Variants in AOAH observed in about 807,000 individuals in gnomAD.
AOAH encodes acyloxyacyl hydrolase (neutrophil).
AOAH carries 64 observed loss-of-function variants against 92.2 expected under a neutral mutation model. That is an observed-to-expected ratio of 0.69 (90% CI 0.57 to 0.86). The LOEUF is 0.86. Ranked by LOEUF, AOAH falls within the 40% of genes least tolerant of loss-of-function variation. The probability of loss-of-function intolerance (pLI) is 0.00; values close to 1 mark genes in which losing one functional copy is unlikely to be tolerated. For missense variants in AOAH, 656 were observed against 694.6 expected (o/e 0.94, Z 0.62); for synonymous variants, 263 against 254.5 (o/e 1.03, Z -0.32).
At chr7:36,579,365 G>A (rs1307375111) in intron 12 of AOAH, among the ~76,000 whole-genome samples, 2 of 126,074 alleles carry the variant, frequency 1.6e-5, no homozygotes, top group Non-Finnish European at 3.6e-5. Context: ...TTGAATTCCT[G>A]AACCCCGCCC....
At chr7:36,613,324 G>A (rs2115913113) in intron 11 of AOAH, among the ~76,000 whole-genome samples, 1 of 152,228 alleles carries the variant, frequency 6.6e-6, no homozygotes, top group South Asian at 2.1e-4. Context: ...CCTCGTTGTT[G>A]GTTTGTTGGG....
chr7:36,613,401 C>CTATTT (rs1791618610), intron 11 of AOAH, among the ~76,000 whole-genome samples: 1 of 152,196 alleles, frequency 6.6e-6, no homozygotes, highest in Non-Finnish European at 1.5e-5. Context: ...CACAGAGAGT[C>CTATTT]TATTTTATAC....
intron 13 of AOAH, among the ~76,000 whole-genome samples, chr7:36,561,528 A>G (rs1344777855): frequency 6.6e-6 from 1 of 152,166 alleles, no homozygotes; most frequent in Non-Finnish European, 1.5e-5. Flanking sequence ...ACAGAAGAGA[A>G]GGAGCACAGC....
At position 36,530,420 on chromosome 7, in the gene AOAH, T is replaced by C. The variant is rs760640919; in HGVS notation, c.1520A>G (p.Glu507Gly). The change falls in exon 19 of 21, where the codon GAA becomes GGA. Residue 507 changes from glutamate to glycine, a missense_variant and splice_region_variant. Transcript: ENST00000617537. ...AATACCCAAACAAAGCTACTTACTT[T>C]CATGGAAGGCAAAATCCATGTAGAA... ...NLFYMDFAFH[E>G]IIQEWQKRGG... 1 of 1,607,558 alleles carries C rather than the reference T, an allele frequency of 6.2e-7. No individual in the cohort carries two copies. Among genetic ancestry groups the C allele is most frequent in the Non-Finnish European group, 8.5e-7 (1 of 1,174,072 alleles).
chr7:36,723,991 A>C (rs1241510897), intron 1 of AOAH, 31 bp downstream of exon 1: 3 of 1,606,390 alleles, frequency 1.9e-6, no homozygotes, highest in East Asian at 2.2e-5. Context: ...TTATGTCTAC[A>C]TAGAAAATAC....
intron 1 of AOAH, among the ~76,000 whole-genome samples, chr7:36,721,311 G>T (rs754758995): frequency 2.0e-4 from 30 of 152,164 alleles, no homozygotes; most frequent in Non-Finnish European, 3.8e-4. Context: ...AGAGCTCTCA[G>T]TGGGACTTCT....
chr7:36,565,544 T>C (rs1265430543), intron 13 of AOAH, among the ~76,000 whole-genome samples: 2 of 152,010 alleles, frequency 1.3e-5, no homozygotes, highest in Admixed American at 1.3e-4. Flanking sequence ...CTCTTTTTTT[T>C]TTTTTTGAGA....
intron 15 of AOAH, among the ~76,000 whole-genome samples, chr7:36,541,519 C>T (rs1785422428): frequency 9.2e-5 from 1 of 10,850 alleles, no homozygotes; most frequent in East Asian, 0.25. Context: ...AAGGAATGTA[C>T]AAAATACTAC....
At chr7:36,656,864 G>C (rs1449827607) in intron 4 of AOAH, among the ~76,000 whole-genome samples, 2 of 113,888 alleles carry the variant, frequency 1.8e-5, no homozygotes, top group Non-Finnish European at 3.8e-5. Flanking sequence ...GGGAGGGGTG[G>C]CACAAAGAGG....
chr7:36,654,166 G>A (rs1323483777), intron 4 of AOAH, among the ~76,000 whole-genome samples: 2 of 125,436 alleles, frequency 1.6e-5, no homozygotes, highest in Non-Finnish European at 3.6e-5. Context: ...TCAATGCGCT[G>A]TTTCATGTGC....
chr7:36,579,229 G>C (rs1788743310), intron 12 of AOAH, among the ~76,000 whole-genome samples: 1 of 151,896 alleles, frequency 6.6e-6, no homozygotes, highest in South Asian at 2.1e-4. Flanking sequence ...CCCTTCCCAG[G>C]CACATCATGT....
At chr7:36,620,596 C>T (rs138083491) in intron 9 of AOAH, among the ~76,000 whole-genome samples, 185 bp downstream of exon 9, 145 of 152,310 alleles carry the variant, frequency 9.5e-4, no homozygotes, top group Non-Finnish European at 1.4e-3. Flanking sequence ...AGCCTCAACT[C>T]TCATGACATC....
At chr7:36,513,443 A>T in intron 20 of AOAH, 63 bp from the exon 21 acceptor site, 1 of 1,545,144 alleles carries the variant, frequency 6.5e-7, no homozygotes, top group African/African-American at 1.4e-5. Context: ...TACCAACAAG[A>T]TTTCCCACGT....
rs1164213720 is a variant in AOAH, at chr7:36,698,755, CAG to C, written c.128-11963_128-11962del. Among the ~76,000 whole-genome samples the C allele has an allele frequency of 4.6e-5, 7 of 152,210 alleles. No homozygotes were observed. The East Asian group carries it at 1.3e-3, about 29-fold the overall frequency. ...AATCATATAATGTTTAAAGATAAATCAGTGTAATTGGGATATCTATCATCTTA... is the reference window on the plus strand; with the variant it reads ...AATCATATAATGTTTAAAGATAAATCTGTAATTGGGATATCTATCATCTTA... On this transcript the variant is annotated intron_variant, in intron 1 of 20. Coordinates refer to ENST00000617537, the MANE Select transcript of AOAH (RefSeq NM_001637.4).
intron 3 of AOAH, among the ~76,000 whole-genome samples, chr7:36,664,717 T>TA (rs142717674): frequency 6.6e-6 from 1 of 152,098 alleles, no homozygotes; most frequent in African/African-American, 2.4e-5. Context: ...TGCATTGCCA[T>TA]AAAAAAATAC....
rs77866683 is a variant in AOAH at position 36,641,938 on chromosome 7, T to C, written c.391-4028A>G. ...GTAGTATATAGCCACGGTGGCTCAC[T>C]AAAACACTTCTGTCTAGAATGATTT... is the stretch of plus-strand genomic sequence containing the variant. On this transcript the variant is annotated intron_variant, in intron 4 of 20. Coordinates refer to ENST00000617537, the MANE Select transcript of AOAH (RefSeq NM_001637.4). 2.2e-3 allele frequency among the ~76,000 whole-genome samples: 329 copies of C among 152,278 alleles called. 1 individual carries two copies. Among genetic ancestry groups the C allele is most frequent in the African/African-American group, 7.5e-3 (311 of 41,552 alleles).
At chr7:36,636,202 C>A (rs1793509928) in intron 5 of AOAH, among the ~76,000 whole-genome samples, 1 of 152,108 alleles carries the variant, frequency 6.6e-6, no homozygotes, top group South Asian at 2.1e-4. Context: ...TTTATTTTTG[C>A]CTTGATAGCT....
chr7:36,710,883 T>C (rs1562720485), intron 1 of AOAH, among the ~76,000 whole-genome samples: 1 of 118,594 alleles, frequency 8.4e-6, no homozygotes, highest in Admixed American at 9.1e-5. Flanking sequence ...TTTGTGTCCT[T>C]GCTATGTACC....
At chr7:36,641,218 G>A (rs1194641681) in intron 4 of AOAH, among the ~76,000 whole-genome samples, 2 of 152,214 alleles carry the variant, frequency 1.3e-5, no homozygotes, top group Non-Finnish European at 2.9e-5. Flanking sequence ...CAAGACTCAT[G>A]CATGGCTTTC....
Sources: gnomAD v4.1 joint callset for allele counts (sites outside exome capture counted in the v4.1 genomes callset) on GRCh38, gnomAD v4.1.1 for gene constraint, MANE v1.5 for transcripts, NCBI Gene and HGNC (gene_info 2026-07-23, HGNC 2026-07-21) for gene names.